The following TLE4 variants were observed in gnomAD, a reference collection of about 807,000 sequenced individuals.
The protein encoded by TLE4 is TLE family member 4, transcriptional corepressor.
Under a neutral mutation model 92.8 loss-of-function variants are expected in TLE4, and 8 were observed. The ratio of observed to expected loss-of-function variants is 0.09; its 90% CI spans 0.05 to 0.16. The LOEUF is 0.16. Ranked by LOEUF, TLE4 falls within the 10% of genes least tolerant of loss-of-function variation. The pLI is 1.00. For missense variants in TLE4, 675 were observed against 997.6 expected (o/e 0.68, Z 4.36); for synonymous variants, 371 against 374.1 (o/e 0.99, Z 0.10).
chr9:79,576,087 T>C (rs374978491), intron 3 of TLE4, 46 bp from the exon 4 acceptor site: 4 of 1,363,594 alleles, frequency 2.9e-6, no homozygotes, highest in Admixed American at 2.3e-5. Flanking sequence ...CTAGGGAGAT[T>C]GTTTGATGAA....
At chr9:79,597,868 G>A (rs1015364018) in intron 4 of TLE4, among the ~76,000 whole-genome samples, 3 of 152,072 alleles carry the variant, frequency 2.0e-5, no homozygotes, top group Admixed American at 2.0e-4. Context: ...TGAACATTAA[G>A]TGAAATATCT....
chr9:79,684,736 G>A (rs1380467142), intron 8 of TLE4, among the ~76,000 whole-genome samples: 1 of 152,168 alleles, frequency 6.6e-6, no homozygotes, highest in Non-Finnish European at 1.5e-5. Flanking sequence ...CCCTCTAGCA[G>A]GCTAGCCAAG....
chr9:79,620,563 T>C (rs913588512), intron 5 of TLE4, among the ~76,000 whole-genome samples: 4 of 152,230 alleles, frequency 2.6e-5, no homozygotes, highest in African/African-American at 7.2e-5. Flanking sequence ...GGTATACTTA[T>C]TTACTCTCTC....
chr9:79,578,790 T>C (rs1339602703), intron 4 of TLE4, among the ~76,000 whole-genome samples: 6 of 152,196 alleles, frequency 3.9e-5, no homozygotes, highest in East Asian at 3.9e-4. Flanking sequence ...ATTTAAATTT[T>C]GGTAACTGAG....
rs761983020 is a variant in TLE4, at chr9:79,652,760, T to A, written c.558T>A (p.Asp186Glu). ...LGGQSHLPIK[D>E]EKKHHDNDHQ... ...GTCAGTCCCATCTTCCAATTAAAGA[T>A]GAGAAGAAGCACCATGACAATGATC... Residue 186 changes from aspartate to glutamate, a missense_variant, in exon 7 of 20, where the codon GAT (aspartate) becomes GAA (glutamate). Asp to Glu is a conservative substitution (Grantham distance 45). Around this residue, in one of 5 missense-constraint regions of TLE4, gnomAD observed 280 missense variants for 287.3 expected, o/e 0.97. Transcript: ENST00000376552. 1.9e-6 allele frequency: 3 copies of A among 1,614,026 alleles called. No homozygotes were observed. Among genetic ancestry groups the A allele is most frequent in the African/African-American group, 2.7e-5 (2 of 74,906 alleles).
intron 5 of TLE4, among the ~76,000 whole-genome samples, chr9:79,619,015 G>A (rs772186284): frequency 1.1e-4 from 17 of 152,122 alleles, no homozygotes; most frequent in Non-Finnish European, 2.5e-4. Flanking sequence ...GCTTTCTGGT[G>A]CAAATTTAAT....
intron 8 of TLE4, among the ~76,000 whole-genome samples, chr9:79,699,856 G>A (rs574174451): frequency 9.9e-5 from 15 of 152,266 alleles, no homozygotes; most frequent in East Asian, 1.9e-4. Flanking sequence ...AAACCTTATC[G>A]TGATTGTTGA....
chr9:79,623,019 C>T (rs4242612), intron 5 of TLE4, among the ~76,000 whole-genome samples: 97,926 of 151,834 alleles, frequency 0.64, 32,647 homozygotes, highest in East Asian at 0.83. Context: ...CTACCCCAGT[C>T]AATATGGGGA....
At chr9:79,719,729 A>G (rs2075258215) in intron 15 of TLE4, among the ~76,000 whole-genome samples, 1 of 152,182 alleles carries the variant, frequency 6.6e-6, no homozygotes, top group African/African-American at 2.4e-5. Context: ...GAGCTCCTGC[A>G]TTAGTGTACG....
intron 4 of TLE4, among the ~76,000 whole-genome samples, chr9:79,592,431 A>G (rs2042946986): frequency 6.6e-6 from 1 of 151,590 alleles, no homozygotes; most frequent in Non-Finnish European, 1.5e-5. Context: ...GCTTATCACC[A>G]CACCCGGCAA....
intron 5 of TLE4, among the ~76,000 whole-genome samples, chr9:79,617,959 T>A (rs1189012820): frequency 6.6e-6 from 1 of 152,252 alleles, no homozygotes; most frequent in African/African-American, 2.4e-5. Context: ...ACGTTCATCA[T>A]CCTTGCACCA....
At chr9:79,618,882 A>G (rs986279755) in intron 5 of TLE4, among the ~76,000 whole-genome samples, 1 of 152,238 alleles carries the variant, frequency 6.6e-6, no homozygotes, top group Non-Finnish European at 1.5e-5. Context: ...AATATTTAAC[A>G]ATAGTTCTCT....
intron 6 of TLE4, among the ~76,000 whole-genome samples, chr9:79,635,771 T>C (rs2055614227): frequency 6.6e-6 from 1 of 152,166 alleles, no homozygotes. Context: ...TTGATGACTA[T>C]AGCTTTCATT....
chr9:79,573,427 A>T (rs2036529731), intron 1 of TLE4: 1 of 1,182,080 alleles, frequency 8.5e-7, no homozygotes, highest in Non-Finnish European at 1.1e-6. Context: ...TTGGCCGGGG[A>T]GGGGAGACGG....
chr9:79,629,276 C>G (rs2053563505), intron 6 of TLE4, among the ~76,000 whole-genome samples: 1 of 151,698 alleles, frequency 6.6e-6, no homozygotes, highest in Non-Finnish European at 1.5e-5. Flanking sequence ...ATAAAAAACA[C>G]TTTGTTTATG....
chr9:79,584,507 C>T (rs1048428409), intron 4 of TLE4, among the ~76,000 whole-genome samples: 6 of 152,210 alleles, frequency 3.9e-5, no homozygotes, highest in African/African-American at 1.4e-4. Context: ...GTCTCTCTCT[C>T]GTGCTAGATT....
At position 79,572,704 on chromosome 9, in the gene TLE4, C is replaced by T. The variant is rs1219766815; in HGVS notation, c.-87C>T. On this transcript the variant is annotated 5_prime_UTR_variant, in exon 1 of 20. Transcript: ENST00000376552. ...GCCCCTCAGACCGAGCCGGCCGCCTCCGCTGCCGCGGCCGCCTCCTCTTCG... is the reference window on the plus strand; with the variant it reads ...GCCCCTCAGACCGAGCCGGCCGCCTTCGCTGCCGCGGCCGCCTCCTCTTCG... The T allele has an allele frequency of 2.7e-6, 4 of 1,464,580 alleles. No individual in the cohort carries two copies. The highest frequency in any genetic ancestry group is 1.5e-5 in the African/African-American group (1 of 68,322). The allele number at this position is 1,464,580 out of a possible 1,614,324, so 90.7% of individuals were successfully genotyped here. A position where few individuals can be genotyped will look rare whatever the true frequency, so the allele number is the denominator to read the frequency against.
At chr9:79,626,027 G>C (rs1443994329) in intron 5 of TLE4, among the ~76,000 whole-genome samples, 3 of 151,880 alleles carry the variant, frequency 2.0e-5, no homozygotes, top group Non-Finnish European at 4.4e-5. Context: ...AGATTCTATG[G>C]TCTATTATTT....
intron 8 of TLE4, among the ~76,000 whole-genome samples, chr9:79,680,462 T>C (rs1429339491): frequency 1.3e-5 from 2 of 152,298 alleles, no homozygotes; most frequent in East Asian, 1.9e-4. Context: ...CTTGTGATTT[T>C]TGCACATTGA....
Sources: allele counts gnomAD v4.1 joint callset (sites outside exome capture counted in the v4.1 genomes callset), GRCh38; gene constraint gnomAD v4.1.1; regional missense constraint gnomAD v4.1.1; transcripts MANE v1.5; gene names NCBI Gene and HGNC (gene_info 2026-07-23, HGNC 2026-07-21).